Variants in RGS7 observed in about 807,000 individuals in gnomAD.
RGS7 encodes the protein regulator of G protein signaling 7.
In RGS7, 27 loss-of-function variants were observed where a neutral mutation model predicts 81.1. The ratio of observed to expected loss-of-function variants is 0.33; its 90% CI spans 0.25 to 0.46. The LOEUF is 0.46. Ranked by LOEUF, RGS7 falls within the 20% of genes least tolerant of loss-of-function variation. The pLI, the probability that RGS7 is intolerant of heterozygous loss-of-function variation, is 1.00. For synonymous variants in RGS7, 208 were observed against 207.7 expected (o/e 1.00, Z -0.01); for missense variants, 396 against 607.4 (o/e 0.65, Z 3.66).
intron 2 of RGS7, among the ~76,000 whole-genome samples, chr1:241,296,242 A>G (rs939126358): frequency 2.0e-5 from 3 of 152,148 alleles, no homozygotes; most frequent in Non-Finnish European, 2.9e-5. Context: ...AGAAGATACC[A>G]GAGGACCACA....
At chr1:240,920,410 T>C (rs1196521703) in intron 6 of RGS7, 6 of 1,394,372 alleles carry the variant, frequency 4.3e-6, no homozygotes, top group Admixed American at 3.4e-5. Flanking sequence ...GCCAGCAATT[T>C]TGGAGGTGGT....
rs367967862 is a variant in RGS7, at chr1:240,835,958, C to G, written c.610-8786G>C. 1.2e-4 allele frequency among the ~76,000 whole-genome samples: 18 copies of G among 152,056 alleles called. No homozygotes were observed. The South Asian group carries it at 1.2e-3, about 11-fold the overall frequency. On this transcript the variant is annotated intron_variant, in intron 9 of 18. Coordinates refer to ENST00000440928, the MANE Select transcript of RGS7 (RefSeq NM_001364886.1). ...GGGTTGGGAATAAATAGGCCCAGCA[C>G]GGAGAAATTTTAGGGTAGTGAAACT...
chr1:241,198,429 G>A (rs954283762), intron 2 of RGS7, among the ~76,000 whole-genome samples: 1 of 151,978 alleles, frequency 6.6e-6, no homozygotes, highest in Non-Finnish European at 1.5e-5. Context: ...GGCTAATATA[G>A]TTGATGATAA....
rs751179615 is a variant in RGS7, at chr1:240,814,794, A to G, written c.784-17T>C. ...ATATTTTATCTGAAAAGAGGGTTAG[A>G]GAAGGAGTTACATAAGTAATGACAT... On this transcript the variant is annotated splice_polypyrimidine_tract_variant and intron_variant, in intron 11 of 18. Coordinates refer to ENST00000440928, the MANE Select transcript of RGS7 (RefSeq NM_001364886.1). 7 of 1,484,014 alleles carry G rather than the reference A, an allele frequency of 4.7e-6. No individual in the cohort carries two copies. Among genetic ancestry groups the G allele is most frequent in the Non-Finnish European group, 6.6e-6 (7 of 1,062,062 alleles). The allele number at this position is 1,484,014 out of a possible 1,614,324, so 91.9% of individuals were successfully genotyped here. A position where few individuals can be genotyped will look rare whatever the true frequency, so the allele number is the denominator to read the frequency against.
chr1:240,994,561 T>A (rs1442615072), intron 3 of RGS7, among the ~76,000 whole-genome samples: 3 of 152,150 alleles, frequency 2.0e-5, no homozygotes, highest in Non-Finnish European at 4.4e-5. Flanking sequence ...TCTAGAAGGT[T>A]TTTTTGCAGA....
At chr1:241,348,407 T>G (rs758984069) in intron 2 of RGS7, among the ~76,000 whole-genome samples, 1 of 152,194 alleles carries the variant, frequency 6.6e-6, no homozygotes. Context: ...AGGGGTTGAC[T>G]AGATATCCTG....
chr1:241,195,400 C>T (rs983347720), intron 2 of RGS7, among the ~76,000 whole-genome samples: 2 of 152,102 alleles, frequency 1.3e-5, no homozygotes, highest in Admixed American at 1.3e-4. Flanking sequence ...CACTCGAACC[C>T]GGGAGGCAGA....
At chr1:240,930,921 C>T (rs978813085) in intron 5 of RGS7, among the ~76,000 whole-genome samples, 153 bp from the exon 6 acceptor site, 2 of 152,116 alleles carry the variant, frequency 1.3e-5, no homozygotes, top group East Asian at 1.9e-4. Context: ...ACATTGAAAA[C>T]TCTTTGTCTA....
chr1:241,229,671 C>T (rs984498368), intron 2 of RGS7, among the ~76,000 whole-genome samples: 2 of 152,184 alleles, frequency 1.3e-5, no homozygotes, highest in African/African-American at 4.8e-5. Flanking sequence ...CTTCTTTCCT[C>T]CCCCAGGGAA....
At chr1:240,813,054 C>T (rs768593123) in intron 13 of RGS7, among the ~76,000 whole-genome samples, 4 of 152,248 alleles carry the variant, frequency 2.6e-5, no homozygotes, top group Non-Finnish European at 5.9e-5. Flanking sequence ...TAAAGTGATA[C>T]GCCATGATCC....
At chr1:240,967,578 G>GGC (rs1553369968) in intron 4 of RGS7, among the ~76,000 whole-genome samples, 1 of 147,396 alleles carries the variant, frequency 6.8e-6, no homozygotes, top group African/African-American at 2.5e-5. Flanking sequence ...TGGGGGGGGG[G>GGC]GGGAAAAGGC....
chr1:241,098,914 A>C (rs539552922), intron 2 of RGS7, 152 bp from the exon 3 acceptor site: 2 of 652,900 alleles, frequency 3.1e-6, no homozygotes, highest in South Asian at 3.5e-5. Context: ...AATAGTTTAA[A>C]TACTGTTAAA....
At chr1:241,284,965 G>C (rs1029296966) in intron 2 of RGS7, among the ~76,000 whole-genome samples, 6 of 152,068 alleles carry the variant, frequency 3.9e-5, no homozygotes, top group Non-Finnish European at 7.4e-5. Flanking sequence ...CCGCCTCCCG[G>C]GTTCACATCA....
intron 2 of RGS7, among the ~76,000 whole-genome samples, chr1:241,115,229 C>G (rs1455551321): frequency 6.6e-6 from 1 of 152,164 alleles, no homozygotes; most frequent in African/African-American, 2.4e-5. Context: ...CCCACCTTTG[C>G]ACTGGAATAA....
At chr1:240,863,832 T>C (rs1025620402) in intron 9 of RGS7, among the ~76,000 whole-genome samples, 14 of 152,178 alleles carry the variant, frequency 9.2e-5, no homozygotes, top group African/African-American at 3.1e-4. Context: ...AAAGGACATA[T>C]GAAAACCATG....
chr1:241,177,195 C>T (rs764068405), intron 2 of RGS7, among the ~76,000 whole-genome samples: 1 of 152,178 alleles, frequency 6.6e-6, no homozygotes, highest in Non-Finnish European at 1.5e-5. Context: ...CATAAAGTAA[C>T]AGAGCAGTAG....
chr1:240,868,932 T>TTTCCTTGACAAATA lies in RGS7; in HGVS notation c.451-81_451-80insTATTTGTCAAGGAA. Reference sequence around the variant, plus strand: ...CTAGCTTAGTTACCACTTGTATTTGTCAAGGAAACAAATAGAGAGTTTCTA... The same window carrying TTTCCTTGACAAATA: ...CTAGCTTAGTTACCACTTGTATTTGTTTCCTTGACAAATACAAGGAAACAAATAGAGAGTTTCTA... On this transcript the variant is annotated intron_variant, in intron 7 of 18. Transcript: ENST00000440928. The surrounding 1 kb of genome is among the most constrained non-coding windows in gnomAD (Gnocchi z 5.1). 1 of 1,285,910 alleles carries TTTCCTTGACAAATA rather than the reference T, an allele frequency of 7.8e-7. No homozygotes were observed. Among genetic ancestry groups the TTTCCTTGACAAATA allele is most frequent in the Non-Finnish European group, 1.1e-6 (1 of 881,270 alleles). 79.7% of individuals were successfully genotyped at this position (1,285,910 alleles called of 1,614,324 possible).
chr1:241,067,512 C>A (rs2062135209), intron 3 of RGS7, among the ~76,000 whole-genome samples: 1 of 120,178 alleles, frequency 8.3e-6, no homozygotes, highest in Admixed American at 9.9e-5. Context: ...CAGAAACCTA[C>A]TGAATAATGA....
At chr1:241,265,145 G>A (rs1001377251) in intron 2 of RGS7, among the ~76,000 whole-genome samples, 4 of 152,174 alleles carry the variant, frequency 2.6e-5, no homozygotes, top group East Asian at 1.9e-4. Context: ...ATTGTTCACC[G>A]TGTTCCCAAG....
Sources: allele counts gnomAD v4.1 joint callset (sites outside exome capture counted in the v4.1 genomes callset), GRCh38; gene constraint gnomAD v4.1.1; non-coding constraint Gnocchi (gnomAD v3.1); transcripts MANE v1.5; gene names NCBI Gene and HGNC (gene_info 2026-07-23, HGNC 2026-07-21).